MTHFD1L: variants seen among roughly 807,000 people sequenced by gnomAD.
MTHFD1L encodes the protein monofunctional C1-tetrahydrofolate synthase, mitochondrial.
MTHFD1L carries 81 observed loss-of-function variants against 119.5 expected under a neutral mutation model. The observed-to-expected ratio is 0.68, with a 90% CI of 0.57 to 0.82. The LOEUF is 0.82. Among genes scored for constraint, MTHFD1L ranks in the 40% least tolerant of loss-of-function variants. The pLI, the probability that MTHFD1L is intolerant of heterozygous loss-of-function variation, is 0.00. For synonymous variants in MTHFD1L, 430 were observed against 475.2 expected (o/e 0.90, Z 1.24); for missense variants, 1,125 against 1,253.4 (o/e 0.90, Z 1.55).
At chr6:151,006,414 T>C (rs1483882431) in intron 20 of MTHFD1L, among the ~76,000 whole-genome samples, 1 of 152,036 alleles carries the variant, frequency 6.6e-6, no homozygotes, top group Non-Finnish European at 1.5e-5. Flanking sequence ...GCACGAAGTC[T>C]GAGGCAGGGA....
chr6:151,081,498 C>CA (rs56795003), intron 26 of MTHFD1L, among the ~76,000 whole-genome samples: 1,041 of 98,054 alleles, frequency 0.011, 9 homozygotes, highest in Non-Finnish European at 0.013. Flanking sequence ...ACTAAAAATG[C>CA]AAAAAAAAAA....
intron 8 of MTHFD1L, among the ~76,000 whole-genome samples, chr6:150,916,856 G>A (rs1028365907): frequency 7.3e-5 from 10 of 136,094 alleles, no homozygotes; most frequent in South Asian, 2.5e-4. Context: ...TCGGCCTCCC[G>A]GTTCAAGCGA....
intron 10 of MTHFD1L, among the ~76,000 whole-genome samples, chr6:150,925,457 T>G (rs1415443327): frequency 1.3e-5 from 2 of 151,718 alleles, no homozygotes; most frequent in Non-Finnish European, 2.9e-5. Flanking sequence ...AATAGAAGAG[T>G]TCAGTTACGT....
rs572643021 is a variant in MTHFD1L, at chr6:151,058,336, C to T, written c.2847+21219C>T. ...GAGTGGAGGAGGTGGCGTGGGAGCA[C>T]TGATGCTCGGGCTCTGTCACATCCG... On this transcript the variant is annotated intron_variant, in intron 26 of 27. Transcript: ENST00000367321. Among the ~76,000 whole-genome samples the T allele has an allele frequency of 4.6e-5, 7 of 152,314 alleles. 1 individual carries two copies. In the South Asian group the frequency reaches 8.3e-4, roughly 18 times the overall value.
chr6:150,918,550 C>CT (rs749045686), intron 8 of MTHFD1L, 27 bp from the exon 9 acceptor site: 59 of 1,515,252 alleles, frequency 3.9e-5, no homozygotes, highest in Non-Finnish European at 4.8e-5. Flanking sequence ...TACTGAAAGT[C>CT]TTTTTTTTCC....
At chr6:150,869,773 G>T (rs947922633) in intron 1 of MTHFD1L, among the ~76,000 whole-genome samples, 2 of 152,148 alleles carry the variant, frequency 1.3e-5, no homozygotes, top group African/African-American at 4.8e-5. Context: ...AAGTCACCTG[G>T]AATAGACATC....
At chr6:151,075,619 T>C (rs1423611860) in intron 26 of MTHFD1L, among the ~76,000 whole-genome samples, 1 of 152,208 alleles carries the variant, frequency 6.6e-6, no homozygotes, top group African/African-American at 2.4e-5. Context: ...TAAACAATGC[T>C]ACAATTCAGC....
At chr6:151,010,664 G>T (rs960670721) in intron 21 of MTHFD1L, among the ~76,000 whole-genome samples, 2 of 151,860 alleles carry the variant, frequency 1.3e-5, no homozygotes, top group Non-Finnish European at 2.9e-5. Flanking sequence ...ATAGATTTTT[G>T]GGGGTTTTTT....
intron 26 of MTHFD1L, among the ~76,000 whole-genome samples, chr6:151,069,943 C>T (rs778670501): frequency 2.4e-4 from 37 of 152,190 alleles, no homozygotes; most frequent in Non-Finnish European, 3.4e-4. Flanking sequence ...TCGATGAGTA[C>T]ATGCTGCTTT....
At chr6:150,902,668 C>T (rs2128832845) in intron 7 of MTHFD1L, among the ~76,000 whole-genome samples, 1 of 152,168 alleles carries the variant, frequency 6.6e-6, no homozygotes, top group South Asian at 2.1e-4. Flanking sequence ...AGCTGTTCTC[C>T]AGTTGCAGAT....
At chr6:150,982,700 C>CTT (rs767679868) in intron 20 of MTHFD1L, among the ~76,000 whole-genome samples, 167 of 144,546 alleles carry the variant, frequency 1.2e-3, no homozygotes, top group African/African-American at 3.9e-3. Flanking sequence ...CCTGACACTT[C>CTT]TTTTTTTTTT....
intron 26 of MTHFD1L, among the ~76,000 whole-genome samples, chr6:151,069,871 A>G (rs1791763753): frequency 6.6e-6 from 1 of 152,234 alleles, no homozygotes; most frequent in Non-Finnish European, 1.5e-5. Context: ...TGAGACACCG[A>G]ACATGCCATA....
chr6:151,019,216 C>CA (rs374407035), intron 24 of MTHFD1L, among the ~76,000 whole-genome samples: 1 of 151,976 alleles, frequency 6.6e-6, no homozygotes, highest in African/African-American at 2.4e-5. Flanking sequence ...GTGAGTGTGC[C>CA]TCTGATCATG....
At chr6:151,058,158 T>C (rs1790207834) in intron 26 of MTHFD1L, among the ~76,000 whole-genome samples, 1 of 152,202 alleles carries the variant, frequency 6.6e-6, no homozygotes, top group Non-Finnish European at 1.5e-5. Flanking sequence ...TCTTGCTCAT[T>C]TCCATACCTA....
chr6:151,076,986 A>G (rs557801605), intron 26 of MTHFD1L, among the ~76,000 whole-genome samples: 5 of 152,336 alleles, frequency 3.3e-5, no homozygotes, highest in South Asian at 2.1e-4. Context: ...AAATAATACA[A>G]TTTTATCCAA....
chr6:151,035,667 T>TG (rs527695819), intron 25 of MTHFD1L, among the ~76,000 whole-genome samples: 1,796 of 152,260 alleles, frequency 0.012, 29 homozygotes, highest in African/African-American at 0.04. Context: ...AAGGTTGGTT[T>TG]GTTTTTTTTT....
At chr6:150,924,365 G>T (rs1789556525) in intron 10 of MTHFD1L, among the ~76,000 whole-genome samples, 1 of 152,028 alleles carries the variant, frequency 6.6e-6, no homozygotes, top group South Asian at 2.1e-4. Context: ...TAGAGACAGG[G>T]TTTCACCATG....
chr6:151,021,098 G>A (rs962885748), intron 24 of MTHFD1L, among the ~76,000 whole-genome samples: 3 of 152,142 alleles, frequency 2.0e-5, no homozygotes, highest in Admixed American at 2.0e-4. Flanking sequence ...ACCTTGAGTA[G>A]GCCTCCTACT....
intron 18 of MTHFD1L, among the ~76,000 whole-genome samples, chr6:150,961,861 A>T (rs953327872): frequency 3.3e-5 from 5 of 152,244 alleles, no homozygotes; most frequent in Non-Finnish European, 5.9e-5. Flanking sequence ...AAACTGACAT[A>T]CTACAGTTTC....
Sources: allele counts gnomAD v4.1 joint callset (sites outside exome capture counted in the v4.1 genomes callset), GRCh38; gene constraint gnomAD v4.1.1; transcripts MANE v1.5; gene names NCBI Gene and HGNC (gene_info 2026-07-23, HGNC 2026-07-21).